KHDRBS2: variants seen among roughly 807,000 people sequenced by gnomAD.
KHDRBS2 encodes the protein KH domain-containing, RNA-binding, signal transduction-associated protein 2.
A neutral mutation model predicts 44.3 loss-of-function variants in KHDRBS2; 26 were observed. That is an observed-to-expected ratio of 0.59 (90% CI 0.43 to 0.81). The LOEUF is 0.81. Among genes scored for constraint, KHDRBS2 ranks in the 40% least tolerant of loss-of-function variants. The pLI is 0.00. For missense variants in KHDRBS2, 476 were observed against 433.1 expected (o/e 1.10, Z -0.88); for synonymous variants, 194 against 151.1 (o/e 1.28, Z -2.08).
chr6:62,263,946 T>C (rs543415043), intron 1 of KHDRBS2, among the ~76,000 whole-genome samples: 3 of 151,936 alleles, frequency 2.0e-5, no homozygotes, highest in South Asian at 4.1e-4. Flanking sequence ...ATTGTCCTTA[T>C]TGTTATCAAA....
chr6:62,108,146 A>C (rs1803967853), intron 2 of KHDRBS2, among the ~76,000 whole-genome samples: 1 of 152,150 alleles, frequency 6.6e-6, no homozygotes, highest in Non-Finnish European at 1.5e-5. Context: ...CTACCATCAG[A>C]GTGAACAGGC....
At chr6:61,775,805 AT>A (rs1781883383) in intron 6 of KHDRBS2, among the ~76,000 whole-genome samples, 1 of 152,202 alleles carries the variant, frequency 6.6e-6, no homozygotes, top group Non-Finnish European at 1.5e-5. Context: ...TAAATTTCAT[AT>A]GGAACCAAAA....
chr6:61,896,570 C>T (rs1193719215), intron 5 of KHDRBS2, among the ~76,000 whole-genome samples: 2 of 152,172 alleles, frequency 1.3e-5, no homozygotes, highest in African/African-American at 2.4e-5. Context: ...CCACTATGTT[C>T]TTTCCCTGGA....
chr6:62,094,684 T>C (rs964067677), intron 2 of KHDRBS2, among the ~76,000 whole-genome samples: 12 of 151,992 alleles, frequency 7.9e-5, no homozygotes, highest in African/African-American at 2.9e-4. Flanking sequence ...AGTACTTTTG[T>C]AGTTTCAGTT....
the KHDRBS2 span, among the ~76,000 whole-genome samples, chr6:61,607,519 G>GGAAAAAA: frequency 4.3e-5 from 1 of 23,322 alleles, no homozygotes; most frequent in African/African-American, 1.5e-4. Context: ...TGAGTTCCAA[G>GGAAAAAA]CAAAAAAAAA....
At chr6:61,557,220 G>A in the KHDRBS2 span, among the ~76,000 whole-genome samples, 1 of 151,988 alleles carries the variant, frequency 6.6e-6, no homozygotes, top group African/African-American at 2.4e-5. Flanking sequence ...CATTATATAT[G>A]CTTATACTTT....
the KHDRBS2 span, among the ~76,000 whole-genome samples, chr6:61,551,281 T>G: frequency 6.6e-6 from 1 of 152,276 alleles, no homozygotes; most frequent in East Asian, 1.9e-4. Flanking sequence ...TTGTCAGATG[T>G]ATAGTCTGCA....
chr6:62,064,947 C>G (rs1374784299), intron 2 of KHDRBS2, among the ~76,000 whole-genome samples: 19 of 151,700 alleles, frequency 1.3e-4, no homozygotes, highest in African/African-American at 2.2e-4. Context: ...AAAAAACAAA[C>G]AACCCCATCA....
intron 5 of KHDRBS2, among the ~76,000 whole-genome samples, chr6:61,900,105 T>C (rs909293468): frequency 1.1e-4 from 16 of 152,010 alleles, no homozygotes; most frequent in Non-Finnish European, 2.1e-4. Flanking sequence ...CATTCAGAAG[T>C]TTTGCTTTTA....
At chr6:61,567,281 G>C in the KHDRBS2 span, among the ~76,000 whole-genome samples, 1 of 152,176 alleles carries the variant, frequency 6.6e-6, no homozygotes. Flanking sequence ...AGAAAAGGGA[G>C]GCCAAGGGCC....
intron 6 of KHDRBS2, among the ~76,000 whole-genome samples, chr6:61,869,092 T>A (rs1463364838): frequency 2.6e-5 from 4 of 152,146 alleles, no homozygotes; most frequent in African/African-American, 9.7e-5. Flanking sequence ...GGGGTTCCCT[T>A]GCGTCCACAT....
chr6:61,821,773 G>C (rs16899878), intron 6 of KHDRBS2, among the ~76,000 whole-genome samples: 1,707 of 147,986 alleles, frequency 0.012, 30 homozygotes, highest in African/African-American at 0.04. Flanking sequence ...TTTTTAGTGG[G>C]TGTCACATTG....
At chr6:62,178,866 T>C (rs1381198257) in intron 1 of KHDRBS2, among the ~76,000 whole-genome samples, 1 of 151,544 alleles carries the variant, frequency 6.6e-6, no homozygotes, top group East Asian at 1.9e-4. Context: ...ACATTATACT[T>C]TTGTTATTTT....
chr6:62,128,160 T>A, intron 2 of KHDRBS2, among the ~76,000 whole-genome samples: 1 of 152,252 alleles, frequency 6.6e-6, no homozygotes, highest in East Asian at 1.9e-4. Flanking sequence ...AATATAATTA[T>A]AGTTAAGAGC....
At chr6:61,766,579 T>C (rs955960150) in intron 6 of KHDRBS2, among the ~76,000 whole-genome samples, 3 of 152,112 alleles carry the variant, frequency 2.0e-5, no homozygotes, top group Admixed American at 2.0e-4. Context: ...TTTTCTACTT[T>C]TTTGATGTAG....
At chr6:62,103,084 T>A (rs998396720) in intron 2 of KHDRBS2, among the ~76,000 whole-genome samples, 2 of 152,022 alleles carry the variant, frequency 1.3e-5, no homozygotes, top group Non-Finnish European at 2.9e-5. Flanking sequence ...TGGACAGCCA[T>A]GGGAAGGCCT....
intron 6 of KHDRBS2, among the ~76,000 whole-genome samples, chr6:61,763,267 G>A (rs1015720651): frequency 2.6e-5 from 4 of 152,226 alleles, no homozygotes; most frequent in Non-Finnish European, 5.9e-5. Context: ...GATTTGAAAC[G>A]GGCTTTATAA....
the KHDRBS2 span, among the ~76,000 whole-genome samples, chr6:61,637,527 A>G: frequency 1.3e-5 from 2 of 152,186 alleles, no homozygotes; most frequent in Non-Finnish European, 2.9e-5. Context: ...AGCATGATTT[A>G]TAGTCCTTTG....
intron 3 of KHDRBS2, among the ~76,000 whole-genome samples, chr6:61,995,151 G>T (rs1776934605): frequency 6.6e-6 from 1 of 151,918 alleles, no homozygotes; most frequent in South Asian, 2.1e-4. Flanking sequence ...AATATATAGG[G>T]TATCTATATG....
Sources: gnomAD v4.1 joint callset for allele counts (sites outside exome capture counted in the v4.1 genomes callset) on GRCh38, gnomAD v4.1.1 for gene constraint, MANE v1.5 for transcripts, NCBI Gene and HGNC (gene_info 2026-07-23, HGNC 2026-07-21) for gene names.